The following RAB38 variants were observed in gnomAD, a reference collection of about 807,000 sequenced individuals.
RAB38 encodes the protein ras-related protein Rab-38.
A neutral mutation model predicts 18.4 loss-of-function variants in RAB38; 15 were observed. That is an observed-to-expected ratio of 0.82 (90% confidence interval 0.55 to 1.26). RAB38 has a LOEUF of 1.26. Ranked by LOEUF, RAB38 falls within the 50% of genes most tolerant of loss-of-function variation. RAB38 has a pLI of 0.00. For synonymous variants in RAB38, 101 were observed against 104.4 expected, an observed-to-expected ratio of 0.97 and a Z score of 0.20; for missense variants, 294 against 267.4, an observed-to-expected ratio of 1.10 and a Z score of -0.69.
chr11:88,056,963 C>T, the RAB38 span, among the ~76,000 whole-genome samples: 5 of 152,130 alleles, frequency 3.3e-5, no homozygotes, highest in African/African-American at 7.2e-5. Flanking sequence ...CCTGTGTTCA[C>T]TCGGTGAATA....
chr11:88,175,045 TAA>T (rs1943366102), intron 1 of RAB38, 136 bp downstream of exon 1: 1 of 1,099,566 alleles, frequency 9.1e-7, no homozygotes, highest in Admixed American at 2.9e-5. Flanking sequence ...TCTTTGAAAC[TAA>T]GTTTCCAGCC....
chr11:88,106,161 T>C, the RAB38 span, among the ~76,000 whole-genome samples: 5 of 150,454 alleles, frequency 3.3e-5, no homozygotes, highest in Non-Finnish European at 7.4e-5. Context: ...TTATTTCTGG[T>C]TTCCATGGCA....
At chr11:88,042,291 C>A in the RAB38 span, among the ~76,000 whole-genome samples, 4 of 152,168 alleles carry the variant, frequency 2.6e-5, no homozygotes, top group Non-Finnish European at 5.9e-5. Flanking sequence ...ATCGGGCAGC[C>A]GGTTCCTGCA....
At chr11:88,011,786 G>C in the RAB38 span, among the ~76,000 whole-genome samples, 1 of 152,112 alleles carries the variant, frequency 6.6e-6, no homozygotes, top group East Asian at 1.9e-4. Flanking sequence ...AGGTTCAGTG[G>C]GGTTAAACAA....
At chr11:88,067,157 A>G in the RAB38 span, among the ~76,000 whole-genome samples, 2 of 152,326 alleles carry the variant, frequency 1.3e-5, no homozygotes, top group South Asian at 4.1e-4. Flanking sequence ...GAAAATTCAA[A>G]CTGACAGGAA....
chr11:87,860,464 CTT>C, the RAB38 span, among the ~76,000 whole-genome samples: 1 of 151,844 alleles, frequency 6.6e-6, no homozygotes, highest in Non-Finnish European at 1.5e-5. Context: ...ACACTAATGA[CTT>C]TTAGAGAAGA....
chr11:88,142,937 T>A (rs763197095), intron 2 of RAB38, among the ~76,000 whole-genome samples: 1 of 152,382 alleles, frequency 6.6e-6, no homozygotes, highest in South Asian at 2.1e-4. Flanking sequence ...TGTATACCTG[T>A]CATTAGACTT....
At chr11:87,966,741 C>T in the RAB38 span, among the ~76,000 whole-genome samples, 1 of 152,176 alleles carries the variant, frequency 6.6e-6, no homozygotes, top group African/African-American at 2.4e-5. Context: ...TCCATCAAGT[C>T]CCTGCTGTAA....
the RAB38 span, among the ~76,000 whole-genome samples, chr11:88,025,418 A>C: frequency 5.3e-5 from 8 of 152,104 alleles, no homozygotes; most frequent in Non-Finnish European, 7.4e-5. Context: ...TGCTAGGTCA[A>C]ATGGTAGCTC....
At chr11:87,955,626 GAATAA>G in the RAB38 span, among the ~76,000 whole-genome samples, 2 of 152,038 alleles carry the variant, frequency 1.3e-5, no homozygotes, top group Admixed American at 6.6e-5. Context: ...AAACTTAAAT[GAATAA>G]AATAAGCACA....
At chr11:87,912,591 T>C in the RAB38 span, among the ~76,000 whole-genome samples, 3,330 of 151,870 alleles carry the variant, frequency 0.022, 64 homozygotes, top group Middle Eastern at 0.041. Flanking sequence ...GCTTTCTCTC[T>C]TTTTTACCCT....
the RAB38 span, among the ~76,000 whole-genome samples, chr11:87,892,259 C>T: frequency 1.3e-5 from 2 of 151,780 alleles, no homozygotes; most frequent in Non-Finnish European, 2.9e-5. Flanking sequence ...ACATCTTGAA[C>T]GTTACTTTTC....
the RAB38 span, among the ~76,000 whole-genome samples, chr11:88,047,788 A>G: frequency 3.5e-4 from 53 of 152,222 alleles, 1 homozygote; most frequent in Admixed American, 3.1e-3. Context: ...GTTCCAACTT[A>G]TATCCCTCAC....
chr11:87,976,305 T>A, the RAB38 span, among the ~76,000 whole-genome samples: 1 of 140,936 alleles, frequency 7.1e-6, no homozygotes, highest in Non-Finnish European at 1.5e-5. Flanking sequence ...CACACATATA[T>A]ATACACATAT....
chr11:87,873,922 G>GTGTGTATATATATATATATA, the RAB38 span, among the ~76,000 whole-genome samples: 524 of 102,954 alleles, frequency 5.1e-3, 4 homozygotes, highest in Middle Eastern at 0.011. Flanking sequence ...GTGTGTGTGT[G>GTGTGTATATATATATATATA]TATATATATA....
the RAB38 span, among the ~76,000 whole-genome samples, chr11:88,060,734 G>A: frequency 6.6e-6 from 1 of 152,102 alleles, no homozygotes; most frequent in Non-Finnish European, 1.5e-5. Context: ...ATACCAACTA[G>A]CTGCCAGTAG....
chr11:88,041,347 G>A, the RAB38 span, among the ~76,000 whole-genome samples: 6 of 151,948 alleles, frequency 3.9e-5, no homozygotes, highest in Admixed American at 6.6e-5. Flanking sequence ...TCCTTTCCAC[G>A]TGCTCCTCTC....
chr11:87,818,145 A>T, the RAB38 span, among the ~76,000 whole-genome samples: 1 of 152,198 alleles, frequency 6.6e-6, no homozygotes, highest in Non-Finnish European at 1.5e-5. Context: ...TTTCTTTCTT[A>T]GTAGATCTGG....
At chr11:88,173,634 A>G in intron 1 of RAB38, 1 of 985,460 alleles carries the variant, frequency 1.0e-6, no homozygotes, top group Non-Finnish European at 1.2e-6. Context: ...AGCCGTTTCT[A>G]AATCTGAATC....
Sources: allele counts gnomAD v4.1 joint callset (sites outside exome capture counted in the v4.1 genomes callset), GRCh38; gene constraint gnomAD v4.1.1; transcripts MANE v1.5; gene names NCBI Gene and HGNC (gene_info 2026-07-23, HGNC 2026-07-21).